The following ARMH4 variants were observed in gnomAD, a reference collection of about 807,000 sequenced individuals.
The protein encoded by ARMH4 is armadillo like helical domain containing 4, also known as armadillo-like helical domain-containing protein 4.
ARMH4 carries 49 observed loss-of-function variants against 61.9 expected under a neutral mutation model. The ratio of observed to expected loss-of-function variants is 0.79; its 90% confidence interval spans 0.63 to 1.00. The LOEUF (loss-of-function observed/expected upper bound fraction) is 1.00. ARMH4 is among the 50% of genes least tolerant of loss of function. The probability of loss-of-function intolerance (pLI) is 0.00; values close to 1 mark genes in which losing one functional copy is unlikely to be tolerated. For missense variants in ARMH4, 934 were observed against 930.0 expected, an observed-to-expected ratio of 1.00 and a Z score of -0.06; for synonymous variants, 368 against 341.5, an observed-to-expected ratio of 1.08 and a Z score of -0.85.
intron 5 of ARMH4, among the ~76,000 whole-genome samples, chr14:58,073,573 A>G (rs1049865005): frequency 6.6e-6 from 1 of 152,238 alleles, no homozygotes; most frequent in South Asian, 2.1e-4. Flanking sequence ...TTAATCAGAA[A>G]GGATGGGTTT....
At chr14:58,096,693 G>C in intron 5 of ARMH4, 31 bp downstream of exon 5, 1 of 1,594,736 alleles carries the variant, frequency 6.3e-7, no homozygotes, top group East Asian at 2.3e-5. Context: ...AGGGGAGAAG[G>C]GAGGAAAAGG....
intron 5 of ARMH4, among the ~76,000 whole-genome samples, chr14:58,039,069 G>C (rs558437499): frequency 1.3e-5 from 2 of 152,336 alleles, no homozygotes; most frequent in South Asian, 4.1e-4. Flanking sequence ...GGCAATGTCT[G>C]AGCACAGCAG....
chr14:58,151,264 C>T (rs1030521127), intron 1 of ARMH4, among the ~76,000 whole-genome samples: 4 of 152,268 alleles, frequency 2.6e-5, no homozygotes, highest in African/African-American at 4.8e-5. Flanking sequence ...TTGTTCACTC[C>T]TGCTTGCCTC....
At chr14:58,066,402 T>G (rs1884700873) in intron 5 of ARMH4, among the ~76,000 whole-genome samples, 1 of 152,140 alleles carries the variant, frequency 6.6e-6, no homozygotes, top group Non-Finnish European at 1.5e-5. Flanking sequence ...TTGCCAGGGC[T>G]GGGGCAGAGG....
intron 5 of ARMH4, among the ~76,000 whole-genome samples, chr14:58,054,690 G>C (rs1175177595): frequency 1.3e-5 from 2 of 152,042 alleles, no homozygotes; most frequent in African/African-American, 4.8e-5. Context: ...CTGAAGTCAG[G>C]AGTTCGAGAC....
At chr14:58,063,357 G>A (rs1884592558) in intron 5 of ARMH4, among the ~76,000 whole-genome samples, 1 of 152,026 alleles carries the variant, frequency 6.6e-6, no homozygotes, top group African/African-American at 2.4e-5. Context: ...TCCAACTAAG[G>A]TCATACTCAC....
intron 5 of ARMH4, among the ~76,000 whole-genome samples, chr14:58,029,064 C>CA (rs988718536): frequency 1.3e-5 from 2 of 151,916 alleles, no homozygotes; most frequent in African/African-American, 2.4e-5. Flanking sequence ...CACATACACA[C>CA]AAAAAAACCC....
chr14:58,140,410 A>C (rs987364361), intron 1 of ARMH4, among the ~76,000 whole-genome samples: 3 of 147,758 alleles, frequency 2.0e-5, no homozygotes, highest in Non-Finnish European at 4.5e-5. Context: ...GTGAAACCCC[A>C]TCTCTGATAA....
chr14:58,084,994 T>C (rs553331358), intron 5 of ARMH4, among the ~76,000 whole-genome samples: 4 of 152,254 alleles, frequency 2.6e-5, no homozygotes, highest in Non-Finnish European at 1.5e-5. Flanking sequence ...TCCTTTTTTA[T>C]GGTCTCAGTT....
chr14:58,120,353 CCA>C (rs59458573), intron 4 of ARMH4, among the ~76,000 whole-genome samples: 32 of 148,784 alleles, frequency 2.2e-4, no homozygotes, highest in African/African-American at 2.9e-4. Flanking sequence ...CTCCCCCATG[CCA>C]CACACACACA....
At chr14:58,073,862 A>C (rs551833988) in intron 5 of ARMH4, among the ~76,000 whole-genome samples, 5 of 152,342 alleles carry the variant, frequency 3.3e-5, no homozygotes, top group African/African-American at 1.2e-4. Context: ...GGTAACACTA[A>C]TAACTCCCTG....
intron 5 of ARMH4, among the ~76,000 whole-genome samples, chr14:58,041,287 C>T (rs1262230462): frequency 6.6e-6 from 1 of 152,170 alleles, no homozygotes; most frequent in East Asian, 1.9e-4. Flanking sequence ...TTCCAACGGT[C>T]TTAGCAAACG....
chr14:58,118,574 G>T (rs1886613967), intron 4 of ARMH4, among the ~76,000 whole-genome samples: 2 of 152,028 alleles, frequency 1.3e-5, no homozygotes, highest in South Asian at 4.2e-4. Flanking sequence ...GCCAAGCACT[G>T]AGGTGCCAGA....
intron 4 of ARMH4, among the ~76,000 whole-genome samples, chr14:58,118,985 T>C (rs1886628401): frequency 6.6e-6 from 1 of 152,204 alleles, no homozygotes; most frequent in South Asian, 2.1e-4. Context: ...GCTAAAACGT[T>C]GCAGATTCTT....
intron 5 of ARMH4, among the ~76,000 whole-genome samples, chr14:58,086,417 C>T (rs1208141572): frequency 6.6e-6 from 1 of 152,060 alleles, no homozygotes; most frequent in African/African-American, 2.4e-5. Context: ...GTAAGTAGAA[C>T]CAGCAAAAAT....
At chr14:58,031,932 C>T (rs1721340406) in intron 5 of ARMH4, among the ~76,000 whole-genome samples, 1 of 152,294 alleles carries the variant, frequency 6.6e-6, no homozygotes, top group South Asian at 2.1e-4. Flanking sequence ...CTTAAAACCC[C>T]TTCCAAGCTT....
chr14:58,071,502 G>A (rs983831622), intron 5 of ARMH4, among the ~76,000 whole-genome samples: 1 of 152,048 alleles, frequency 6.6e-6, no homozygotes, highest in Non-Finnish European at 1.5e-5. Context: ...TTGCCAGTCA[G>A]GTCATATAAC....
chr14:58,131,645 T>C lies in ARMH4; in HGVS notation c.1698A>G (p.Ile566Met). Residue 566 changes from isoleucine (I) to methionine (M), a missense_variant, in exon 4 of 8, where the codon ATA becomes ATG. By Grantham distance (10) the Ile-to-Met change is conservative. Transcript: ENST00000267485. ...GGGAAATGCTGGGTTCCCCCACCATTATTCCAGGAGGTGTCACTGGAGATC... is the reference window on the plus strand; with the variant it reads ...GGGAAATGCTGGGTTCCCCCACCATCATTCCAGGAGGTGTCACTGGAGATC... The part of the protein sequence containing the change: ...VLGSPVTPPG[I>M]MVGEPSISPA... The C allele has an allele frequency of 6.2e-7, 1 of 1,614,156 alleles. No homozygotes were observed. The highest frequency in any genetic ancestry group is 8.5e-7 in the Non-Finnish European group (1 of 1,180,040).
chr14:58,049,240 A>G (rs554328264), intron 5 of ARMH4, among the ~76,000 whole-genome samples: 4 of 145,254 alleles, frequency 2.8e-5, no homozygotes, highest in Admixed American at 1.4e-4. Flanking sequence ...CTCCGTCCCA[A>G]AAAAAAAAAA....
Sources: gnomAD v4.1 joint callset for allele counts (sites outside exome capture counted in the v4.1 genomes callset) on GRCh38, gnomAD v4.1.1 for gene constraint, MANE v1.5 for transcripts, NCBI Gene and HGNC (gene_info 2026-07-23, HGNC 2026-07-21) for gene names.